Variants in NEIL3 observed in about 807,000 individuals in gnomAD.
NEIL3 encodes endonuclease 8-like 3.
Under a neutral mutation model 57.5 loss-of-function variants are expected in NEIL3, and 48 were observed. The observed-to-expected ratio is 0.83, with a 90% confidence interval of 0.66 to 1.06. The LOEUF is 1.06. Ranked by LOEUF, NEIL3 falls within the 50% of genes least tolerant of loss-of-function variation. The probability of loss-of-function intolerance (pLI) is 0.00; values close to 1 mark genes in which losing one functional copy is unlikely to be tolerated. For synonymous variants in NEIL3, 261 were observed against 253.2 expected (o/e 1.03, Z -0.29); for missense variants, 717 against 739.1 (o/e 0.97, Z 0.35).
chr4:177,329,190 A>T (rs1274085503), intron 2 of NEIL3, among the ~76,000 whole-genome samples: 2 of 152,180 alleles, frequency 1.3e-5, no homozygotes, highest in East Asian at 3.8e-4. Flanking sequence ...GCATTAAAAG[A>T]TGAACAAAGA....
In NEIL3 at chr4:177,322,580, G is replaced by A. The variant is rs751215841; in HGVS notation, c.278G>A (p.Arg93Gln). The A allele has an allele frequency of 1.6e-5, 26 of 1,613,552 alleles. No homozygotes were observed. Among genetic ancestry groups the A allele is most frequent in the Admixed American group, 8.3e-5 (5 of 59,982 alleles). ...ATGTACTTTGGACCAAAAGCTTTAC[G>A]GTAAGATAAGCCTGTACGATACATC... is the stretch of plus-strand genomic sequence containing the variant. ...LFMYFGPKAL[R>Q]IHFGMKGFIM... The change falls in exon 2 of 10, where the codon CGG (arginine) becomes CAG (glutamine). Residue 93 changes from arginine (R) to glutamine (Q), a missense_variant and splice_region_variant. Arg to Gln is a conservative substitution (Grantham distance 43, BLOSUM62 1). Transcript: ENST00000264596.
intron 9 of NEIL3, among the ~76,000 whole-genome samples, chr4:177,361,348 T>C (rs1309014438): frequency 6.6e-6 from 1 of 152,232 alleles, no homozygotes; most frequent in Non-Finnish European, 1.5e-5. Flanking sequence ...ATATTTTTTC[T>C]AGTTACTCTT....
At chr4:177,347,083 G>C (rs540416298) in intron 6 of NEIL3, among the ~76,000 whole-genome samples, 3 of 152,086 alleles carry the variant, frequency 2.0e-5, no homozygotes, top group African/African-American at 7.2e-5. Context: ...GGTGATTAGT[G>C]TTCTCAAGAA....
chr4:177,319,744 A>G (rs1021511617), intron 1 of NEIL3, among the ~76,000 whole-genome samples: 1 of 152,174 alleles, frequency 6.6e-6, no homozygotes, highest in African/African-American at 2.4e-5. Context: ...TTCCTACCGA[A>G]GAAGCAGGGA....
In NEIL3 at chr4:177,334,515, C is replaced by A. The variant is rs1015046778; in HGVS notation, c.279-1173C>A. On this transcript the variant is annotated intron_variant, in intron 2 of 9. Coordinates refer to ENST00000264596, the MANE Select transcript of NEIL3 (RefSeq NM_018248.3). ...AGTGATTTAGAATCCACTTTATGAGCCATGCAGCTGAAAAGATTTTAGATA... is the reference window on the plus strand; with the variant it reads ...AGTGATTTAGAATCCACTTTATGAGACATGCAGCTGAAAAGATTTTAGATA... 2.6e-5 allele frequency among the ~76,000 whole-genome samples: 4 copies of A among 152,018 alleles called. No individual in the cohort carries two copies. The South Asian group carries it at 8.3e-4, about 32-fold the overall frequency.
chr4:177,352,588 T>A (rs1175459690), intron 7 of NEIL3, among the ~76,000 whole-genome samples: 1 of 152,068 alleles, frequency 6.6e-6, no homozygotes, highest in African/African-American at 2.4e-5. Flanking sequence ...CCCAGCACTG[T>A]GGGAGGCTGA....
In NEIL3 at chr4:177,336,108, A is replaced by G; in HGVS notation, c.414A>G (p.Arg138=). The G allele has an allele frequency of 6.2e-7, 1 of 1,602,162 alleles. No individual in the cohort carries two copies. Among genetic ancestry groups the G allele is most frequent in the Non-Finnish European group, 8.6e-7 (1 of 1,169,364 alleles). ...ICFFDSSVEL[R]NSMESQQRIR... is the part of the protein sequence containing the mutation. The stretch of plus-strand genomic sequence containing the variant: ...ATGTGTTTTATATTCCTTTCTATAG[A>G]AACTCAATGGAAAGCCAACAGAGAA... The change falls in exon 4 of 10, where the codon AGA becomes AGG. Residue 138 remains arginine, a splice_region_variant and synonymous_variant. Transcript: ENST00000264596.
Position 177,341,605 on chromosome 4 carries a change from C to T in NEIL3, c.832C>T (p.His278Tyr), listed in dbSNP as rs752587476. The change falls in exon 6 of 10, where the codon CAC (histidine) becomes TAC (tyrosine). Residue 278 changes from histidine to tyrosine, a missense_variant. His to Tyr is a moderately conservative substitution (Grantham distance 83). Coordinates refer to ENST00000264596, the MANE Select transcript of NEIL3 (RefSeq NM_018248.3). Reference protein sequence around the residue: ...DNNRMTYFCPHCQKENPQHVD... With the variant: ...DNNRMTYFCPYCQKENPQHVD... ...TAACAGAATGACATATTTCTGTCCTCACTGTCAAAAAGAAAATCCTCAACA... is the reference window on the plus strand; with the variant it reads ...TAACAGAATGACATATTTCTGTCCTTACTGTCAAAAAGAAAATCCTCAACA... 74 of 1,613,190 alleles carry T rather than the reference C, an allele frequency of 4.6e-5. No individual in the cohort carries two copies. The highest frequency in any genetic ancestry group is 9.3e-6 in the Non-Finnish European group (11 of 1,179,772).
Position 177,362,295 on chromosome 4 carries a change from G to C in NEIL3, c.1642G>C (p.Asp548His). ...TTACCTTTTTTTCCTGCAGTGGGCA[G>C]ATTTGTCCTTCCCATTCTGCAACCA... is the stretch of plus-strand genomic sequence containing the variant. ...EAQCGFFEWADLSFPFCNHGK... is the reference protein window; with the variant it reads ...EAQCGFFEWAHLSFPFCNHGK... Residue 548 changes from aspartate to histidine, a missense_variant, in exon 10 of 10, where the codon GAT becomes CAT. Coordinates refer to ENST00000264596, the MANE Select transcript of NEIL3 (RefSeq NM_018248.3). 6.2e-7 allele frequency: 1 copy of C among 1,603,096 alleles called. No homozygotes were observed. The highest frequency in any genetic ancestry group is 8.5e-7 in the Non-Finnish European group (1 of 1,175,804).
intron 2 of NEIL3, among the ~76,000 whole-genome samples, chr4:177,324,950 CAGATAGAT>C (rs56773423): frequency 0.087 from 12,985 of 149,398 alleles, 640 homozygotes; most frequent in South Asian, 0.11. Context: ...ATTTAAAAAA[CAGATAGAT>C]AGATAGATAG....
the NEIL3 span, among the ~76,000 whole-genome samples, chr4:177,369,655 T>C: frequency 6.6e-6 from 1 of 152,170 alleles, no homozygotes; most frequent in Non-Finnish European, 1.5e-5. Flanking sequence ...ACTCAGATTC[T>C]GAATAAAATT....
chr4:177,346,140 C>G (rs1735216286), intron 6 of NEIL3, among the ~76,000 whole-genome samples: 2 of 152,130 alleles, frequency 1.3e-5, no homozygotes, highest in Admixed American at 1.3e-4. Context: ...CTTAAATAGG[C>G]TTCTTCAAGC....
intron 4 of NEIL3, among the ~76,000 whole-genome samples, chr4:177,338,707 C>G (rs1406617540): frequency 6.6e-6 from 1 of 152,256 alleles, no homozygotes; most frequent in East Asian, 1.9e-4. Context: ...AGGTCTGTGT[C>G]TGAGCTCTTC....
chr4:177,336,718 G>A (rs1486958889), intron 4 of NEIL3, among the ~76,000 whole-genome samples: 13 of 152,210 alleles, frequency 8.5e-5, no homozygotes, highest in Admixed American at 5.9e-4. Context: ...CATCTAGAAC[G>A]TGACCTGTGG....
At chr4:177,321,189 C>T (rs1288145058) in intron 1 of NEIL3, among the ~76,000 whole-genome samples, 4 of 152,072 alleles carry the variant, frequency 2.6e-5, no homozygotes, top group African/African-American at 9.7e-5. Context: ...GTATCTAAAG[C>T]TGTTTTATAA....
At chr4:177,325,375 G>A (rs1734762938) in intron 2 of NEIL3, among the ~76,000 whole-genome samples, 1 of 152,048 alleles carries the variant, frequency 6.6e-6, no homozygotes, top group South Asian at 2.1e-4. Flanking sequence ...TGAAGTATCA[G>A]TGGTACTTTC....
At chr4:177,366,484 C>T (rs192734461), downstream of NEIL3, among the ~76,000 whole-genome samples, 465 of 152,248 alleles carry the variant, frequency 3.1e-3, 2 homozygotes, top group African/African-American at 9.4e-3. Context: ...CTGCAACCTC[C>T]GCTTCCTGGG....
intron 8 of NEIL3, 38 bp downstream of exon 8, chr4:177,353,766 T>A (rs1262860584): frequency 1.1e-4 from 18 of 161,544 alleles, no homozygotes; most frequent in South Asian, 1.5e-4. Flanking sequence ...AGATAATTGC[T>A]TTTTTTTTTT....
At chr4:177,330,657 A>C (rs566003396) in intron 2 of NEIL3, among the ~76,000 whole-genome samples, 61 of 152,320 alleles carry the variant, frequency 4.0e-4, no homozygotes, top group African/African-American at 1.4e-3. Context: ...AGTCCAATAT[A>C]AACATGGGAG....
Sources: gnomAD v4.1 joint callset for allele counts (sites outside exome capture counted in the v4.1 genomes callset) on GRCh38, gnomAD v4.1.1 for gene constraint, MANE v1.5 for transcripts, NCBI Gene and HGNC (gene_info 2026-07-23, HGNC 2026-07-21) for gene names.